KDM3A: variants seen among roughly 807,000 people sequenced by gnomAD.
KDM3A encodes the protein lysine demethylase 3A, also known as lysine-specific demethylase 3A.
Under a neutral mutation model 158.0 loss-of-function variants are expected in KDM3A, and 60 were observed. The ratio of observed to expected loss-of-function variants is 0.38; its 90% CI spans 0.31 to 0.47. KDM3A has a LOEUF of 0.47. Among genes scored for constraint, KDM3A ranks in the 20% least tolerant of loss-of-function variants. The pLI, the probability that KDM3A is intolerant of heterozygous loss-of-function variation, is 0.99. For missense variants in KDM3A, 1,319 were observed against 1,574.3 expected, an observed-to-expected ratio of 0.84 and a Z score of 2.74; for synonymous variants, 608 against 549.3, an observed-to-expected ratio of 1.11 and a Z score of -1.49.
At chr2:86,449,055 AGGTTTTAAGAGTTGTAGCCTTAG>A (rs1344205078) in intron 2 of KDM3A, among the ~76,000 whole-genome samples, 1 of 152,224 alleles carries the variant, frequency 6.6e-6, no homozygotes, top group African/African-American at 2.4e-5. Flanking sequence ...ATATGTATAC[AGGTTTTAAGAGTTGTAGCCTTAG>A]GGTTAAAAGT....
At chr2:86,461,629 G>A (rs1558613585) in intron 8 of KDM3A, among the ~76,000 whole-genome samples, 1 of 152,168 alleles carries the variant, frequency 6.6e-6, no homozygotes, top group Non-Finnish European at 1.5e-5. Context: ...GGTGTGATAA[G>A]GGCTATGAAA....
chr2:86,487,382 A>T (rs68049041), intron 21 of KDM3A: 23,579 of 152,152 alleles, frequency 0.15, 2,010 homozygotes, highest in African/African-American at 0.22. Flanking sequence ...ACATCATTAA[A>T]GAGTGGTCTT....
chr2:86,444,976 T>A (rs1188524769), intron 2 of KDM3A, among the ~76,000 whole-genome samples: 2 of 152,156 alleles, frequency 1.3e-5, no homozygotes, highest in Non-Finnish European at 2.9e-5. Context: ...AAATAATCAT[T>A]AAATGGATAT....
In KDM3A at chr2:86,448,489, A is replaced by G. The variant is rs1007978404; in HGVS notation, c.187-1318A>G. The stretch of plus-strand genomic sequence containing the variant: ...TTGACCTATTAGAATTTAATTGTCA[A>G]TCAGTTAACAAATAAATAATGCAAA... On this transcript the variant is annotated intron_variant, in intron 2 of 25. Coordinates refer to ENST00000312912, the MANE Select transcript of KDM3A (RefSeq NM_018433.6). 3.5e-4 allele frequency among the ~76,000 whole-genome samples: 54 copies of G among 152,244 alleles called. 1 individual carries two copies. Among genetic ancestry groups the G allele is most frequent in the African/African-American group, 1.3e-3 (52 of 41,454 alleles).
intron 2 of KDM3A, among the ~76,000 whole-genome samples, chr2:86,444,006 T>C (rs73949509): frequency 0.014 from 2,202 of 152,324 alleles, 69 homozygotes; most frequent in African/African-American, 0.051. Context: ...TTTAGTTCTT[T>C]GGCAGATGTT....
At chr2:86,484,840 A>C (rs1258690045) in intron 19 of KDM3A, 102 bp from the exon 20 acceptor site, 11 of 631,194 alleles carry the variant, frequency 1.7e-5, no homozygotes, top group South Asian at 9.3e-5. Context: ...TTGCAGAGAC[A>C]TATTTTATTT....
intron 2 of KDM3A, among the ~76,000 whole-genome samples, chr2:86,443,021 GCTCC>G (rs1682801611): frequency 1.3e-5 from 2 of 152,092 alleles, no homozygotes; most frequent in Non-Finnish European, 2.9e-5. Flanking sequence ...TTCTGATTGT[GCTCC>G]CTAATAGAAG....
chr2:86,480,832 A>G (rs1673889987), intron 16 of KDM3A, among the ~76,000 whole-genome samples: 1 of 152,250 alleles, frequency 6.6e-6, no homozygotes, highest in Non-Finnish European at 1.5e-5. Flanking sequence ...GAGTTTATAC[A>G]TACCTTAGAA....
At position 86,449,960 on chromosome 2, in the gene KDM3A, A is replaced by G. The variant is rs546756336; in HGVS notation, c.340A>G (p.Ile114Val). Reference sequence around the variant, plus strand: ...TGAACGAATTGTACAGTGGCCTGCAATAGTGAGTAAAACTTGGGCTTATTG... The same window carrying G: ...TGAACGAATTGTACAGTGGCCTGCAGTAGTGAGTAAAACTTGGGCTTATTG... The part of the protein sequence containing the change: ...ISERIVQWPA[I>V]TYKPLLDKAG... Residue 114 changes from isoleucine (I) to valine (V), a missense_variant and splice_region_variant, in exon 3 of 26, where the codon ATA becomes GTA. Around this residue, in one of 4 missense-constraint regions of KDM3A, gnomAD observed 652 missense variants for 627.2 expected, o/e 1.04. Coordinates refer to ENST00000312912, the MANE Select transcript of KDM3A (RefSeq NM_018433.6). 13 of 1,608,794 alleles carry G rather than the reference A, an allele frequency of 8.1e-6. No individual in the cohort carries two copies. The highest frequency in any genetic ancestry group is 1.0e-5 in the Non-Finnish European group (12 of 1,177,884).
At position 86,469,735 on chromosome 2, in the gene KDM3A, T is replaced by C. The variant is rs560116929; in HGVS notation, c.1520-469T>C. Among the ~76,000 whole-genome samples the C allele has an allele frequency of 7.9e-5, 12 of 152,332 alleles. No homozygotes were observed. The East Asian group carries it at 2.3e-3, about 29-fold the overall frequency. ...TAGGAAAGTGATTCGTTTATTGTTA[T>C]TTTTAGAATGGTTAGCTTTTGCATT... On this transcript the variant is annotated intron_variant, in intron 10 of 25. Coordinates refer to ENST00000312912, the MANE Select transcript of KDM3A (RefSeq NM_018433.6).
intron 1 of KDM3A, 116 bp from the exon 2 acceptor site, chr2:86,441,902 G>T: frequency 1.3e-6 from 1 of 745,986 alleles, no homozygotes; most frequent in East Asian, 3.5e-5. Flanking sequence ...GTGCGGGTCC[G>T]CCCGGGGCCG....
chr2:86,452,906 A>T (rs1672528589), intron 4 of KDM3A, among the ~76,000 whole-genome samples: 1 of 152,218 alleles, frequency 6.6e-6, no homozygotes. Flanking sequence ...AATTTCAGAC[A>T]CAAGTTCTTG....
At chr2:86,470,544 A>G in intron 11 of KDM3A, 136 bp downstream of exon 11, 3 of 673,840 alleles carry the variant, frequency 4.5e-6, no homozygotes, top group Non-Finnish European at 2.5e-6. Flanking sequence ...TATAATCTCT[A>G]GGTTGGAGAA....
intron 9 of KDM3A, among the ~76,000 whole-genome samples, 182 bp downstream of exon 9, chr2:86,464,398 A>G (rs1673050710): frequency 6.6e-6 from 1 of 152,194 alleles, no homozygotes; most frequent in African/African-American, 2.4e-5. Context: ...AGAAAATGGT[A>G]TAGAAGTGAA....
chr2:86,445,561 G>A (rs566931094), intron 2 of KDM3A, among the ~76,000 whole-genome samples: 1 of 151,986 alleles, frequency 6.6e-6, no homozygotes, highest in African/African-American at 2.4e-5. Context: ...TGTTTCTTGC[G>A]TCTAATGCCC....
intron 2 of KDM3A, among the ~76,000 whole-genome samples, chr2:86,444,915 T>C (rs1278265253): frequency 5.3e-5 from 8 of 152,160 alleles, no homozygotes; most frequent in East Asian, 3.9e-4. Context: ...GAAGACATAA[T>C]AACAGTGGAT....
intron 21 of KDM3A, chr2:86,488,099 T>C (rs1286127559): frequency 6.6e-6 from 1 of 152,244 alleles, no homozygotes; most frequent in Non-Finnish European, 1.5e-5. Context: ...CACAATATTC[T>C]TTCAGTTTTT....
intron 4 of KDM3A, 43 bp downstream of exon 4, chr2:86,451,256 G>T: frequency 7.8e-7 from 1 of 1,286,054 alleles, no homozygotes; most frequent in South Asian, 1.3e-5. Context: ...ACAGAAATAC[G>T]AACTCCTTTA....
At position 86,442,003 on chromosome 2, in the gene KDM3A, T is replaced by G; in HGVS notation, c.-30-15T>G. ...CCGGCCGCCCCCGTCGCATTTTGTT[T>G]TTGTGTTTTTGCAGGGAGGAGCTCT... On this transcript the variant is annotated splice_polypyrimidine_tract_variant and intron_variant, in intron 1 of 25. Transcript: ENST00000312912. The G allele has an allele frequency of 1.9e-6, 3 of 1,599,412 alleles. No homozygotes were observed. The highest frequency in any genetic ancestry group is 2.6e-6 in the Non-Finnish European group (3 of 1,169,336).
Sources: gnomAD v4.1 joint callset for allele counts (sites outside exome capture counted in the v4.1 genomes callset) on GRCh38, gnomAD v4.1.1 for gene constraint, gnomAD v4.1.1 regional missense constraint, MANE v1.5 for transcripts, NCBI Gene and HGNC (gene_info 2026-07-23, HGNC 2026-07-21) for gene names.